The following CENPF variants were observed in gnomAD, a reference collection of about 807,000 sequenced individuals.
CENPF encodes the protein centromere protein F.
A neutral mutation model predicts 307.3 loss-of-function variants in CENPF; 214 were observed. That is an observed-to-expected ratio of 0.70 (90% CI 0.62 to 0.78). CENPF has a LOEUF of 0.78. Among genes scored for constraint, CENPF ranks in the 30% least tolerant of loss-of-function variants. CENPF has a pLI of 0.00. For synonymous variants in CENPF, 1,259 were observed against 1,270.6 expected (o/e 0.99, Z 0.19); for missense variants, 3,401 against 3,483.9 (o/e 0.98, Z 0.60).
chr1:214,629,081 G>T lies in CENPF; in HGVS notation c.1104G>T (p.Thr368=). 1.9e-6 allele frequency: 3 copies of T among 1,609,812 alleles called. No homozygotes were observed. The highest frequency in any genetic ancestry group is 2.5e-6 in the Non-Finnish European group (3 of 1,178,162). ...TGGAACAAAAACTGAAAAAATTGAC[G>T]GAAGATTTGAGTTGTCAGCGACAAA... ...TALEQKLKKL[T]EDLSCQRQNA... Residue 368 remains threonine, a synonymous_variant, in exon 8 of 20, where the codon ACG becomes ACT. Coordinates refer to ENST00000366955, the MANE Select transcript of CENPF (RefSeq NM_016343.4).
chr1:214,641,734 C>G lies in CENPF; in HGVS notation c.3396C>G (p.Ile1132Met), dbSNP rs1558183181. ...AGGCTGGTGGTTTAAAGCAAGAAAT[C>G]ATGACTTTAAAGGAAGAACAAAACA... ...KSEAGGLKQEIMTLKEEQNKM... is the reference protein window; with the variant it reads ...KSEAGGLKQEMMTLKEEQNKM... Residue 1132 changes from isoleucine to methionine, a missense_variant, in exon 12 of 20, where the codon ATC becomes ATG. Transcript: ENST00000366955. The G allele has an allele frequency of 6.3e-7, 1 of 1,578,476 alleles. No homozygotes were observed. The highest frequency in any genetic ancestry group is 8.6e-7 in the Non-Finnish European group (1 of 1,167,228).
rs1482049995 is a variant in CENPF at position 214,640,398 on chromosome 1, A to G, written c.2060A>G (p.Asp687Gly). ...VEIRNLHNVL[D>G]SKSVEVETQK... ...ATCAGAAACCTTCACAACGTGTTAG[A>G]CAGTAAGTCAGTGGAGGTAGAGACC... Residue 687 changes from aspartate to glycine, a missense_variant, in exon 12 of 20, where the codon GAC becomes GGC. Transcript: ENST00000366955. 2 of 1,614,082 alleles carry G rather than the reference A, an allele frequency of 1.2e-6. No individual in the cohort carries two copies. The highest frequency in any genetic ancestry group is 1.7e-6 in the Non-Finnish European group (2 of 1,180,004).
chr1:214,639,272 G>T (rs1428895582), intron 11 of CENPF, among the ~76,000 whole-genome samples: 1 of 152,136 alleles, frequency 6.6e-6, no homozygotes. Context: ...AGGGGGTAAC[G>T]GAGTTTGAAG....
Position 214,640,321 on chromosome 1 carries a change from C to A in CENPF, c.1983C>A (p.Tyr661Ter). Residue 661 changes from tyrosine to a stop codon, truncating the protein, a stop_gained, in exon 12 of 20, where the codon TAC (tyrosine) becomes TAA (stop). Coordinates refer to ENST00000366955, the MANE Select transcript of CENPF (RefSeq NM_016343.4). LOFTEE classifies it high-confidence loss of function. ...LKTQQIKSHEYNERVRTLEMD... is the reference protein window; with the variant it reads ...LKTQQIKSHE ...CACAGCAAATAAAAAGTCATGAATA[C>A]AACGAGAGAGTAAGAACGCTGGAGA... 3 of 1,613,838 alleles carry A rather than the reference C, an allele frequency of 1.9e-6. No homozygotes were observed. In the East Asian group the frequency reaches 6.7e-5, roughly 36 times the overall value.
At chr1:214,661,028 T>C (rs958815168) in intron 19 of CENPF, among the ~76,000 whole-genome samples, 4 of 152,168 alleles carry the variant, frequency 2.6e-5, no homozygotes, top group Non-Finnish European at 5.9e-5. Flanking sequence ...GAAGAACTGA[T>C]GGTAAAAGCA....
rs751101515 is a variant in CENPF at position 214,651,737 on chromosome 1, A to C, written c.8011A>C (p.Asn2671His). 1 of 1,600,590 alleles carries C rather than the reference A, an allele frequency of 6.2e-7. No homozygotes were observed. Among genetic ancestry groups the C allele is most frequent in the South Asian group, 1.1e-5 (1 of 87,838 alleles). Residue 2671 changes from asparagine (N) to histidine (H), a missense_variant, in exon 15 of 20, where the codon AAT becomes CAT. Physicochemically the swap from Asn to His is moderately conservative, Grantham distance 68. Transcript: ENST00000366955. Reference protein sequence around the residue: ...KDQLKELTLENSELKKSLDCM... With the variant: ...KDQLKELTLEHSELKKSLDCM... ...TCAATTGAAGGAGCTCACACTAGAA[A>C]ATAGTGAATTGAAGAAGAGCCTAGA...
At chr1:214,609,933 A>G (rs1268245809) in intron 1 of CENPF, among the ~76,000 whole-genome samples, 1 of 151,682 alleles carries the variant, frequency 6.6e-6, no homozygotes, top group Non-Finnish European at 1.5e-5. Flanking sequence ...TTGTTTATCC[A>G]ATCTGTCACT....
chr1:214,614,841 G>GA lies in CENPF; in HGVS notation c.178dup (p.Thr60AsnfsTer18), dbSNP rs779280882. On this transcript the variant is annotated frameshift_variant, in exon 3 of 20. Transcript: ENST00000366955. LOFTEE classifies it high-confidence loss of function. ...GAACAATTCTCATTAGGTTGAAAAT[G>GA]AAAAAACCGAGGGTACAAACCTGAA... 1 of 1,573,776 alleles carries GA rather than the reference G, an allele frequency of 6.4e-7. No homozygotes were observed.
At chr1:214,610,570 A>G (rs1657171388) in intron 1 of CENPF, among the ~76,000 whole-genome samples, 1 of 151,236 alleles carries the variant, frequency 6.6e-6, no homozygotes, top group Admixed American at 6.6e-5. Flanking sequence ...AGTTCCTTAT[A>G]GATGCTGGAT....
At chr1:214,622,509 C>A (rs1157051364) in intron 7 of CENPF, among the ~76,000 whole-genome samples, 1 of 152,162 alleles carries the variant, frequency 6.6e-6, no homozygotes, top group South Asian at 2.1e-4. Flanking sequence ...AGTCACTGAT[C>A]TCTTTTATGT....
chr1:214,658,846 T>C lies in CENPF; in HGVS notation c.8963-4T>C. On this transcript the variant is annotated splice_polypyrimidine_tract_variant and splice_region_variant and intron_variant, in intron 18 of 19. Transcript: ENST00000366955. ...GTGCTGACAGTTATTTTTTTTGCCC[T>C]TAGGGTTTGCTGACATCCCGACAGG... 6.2e-7 allele frequency: 1 copy of C among 1,613,858 alleles called. No homozygotes were observed. The highest frequency in any genetic ancestry group is 8.5e-7 in the Non-Finnish European group (1 of 1,179,848).
At chr1:214,635,488 C>T (rs1372749466) in intron 10 of CENPF, among the ~76,000 whole-genome samples, 3 of 152,094 alleles carry the variant, frequency 2.0e-5, no homozygotes, top group Non-Finnish European at 4.4e-5. Context: ...CAGGAGATGC[C>T]TAGGAAAATG....
intron 16 of CENPF, chr1:214,653,751 C>A (rs1282245403): frequency 1.3e-5 from 2 of 151,894 alleles, no homozygotes; most frequent in Non-Finnish European, 2.9e-5. Flanking sequence ...GGCTCTTATA[C>A]AACTATCAAG....
At chr1:214,609,085 G>A (rs1018431287) in intron 1 of CENPF, among the ~76,000 whole-genome samples, 3 of 151,628 alleles carry the variant, frequency 2.0e-5, no homozygotes, top group Non-Finnish European at 4.4e-5. Context: ...AGCCCACCCC[G>A]GCCCGCGCCC....
intron 19 of CENPF, among the ~76,000 whole-genome samples, chr1:214,660,174 G>T (rs746613271): frequency 9.2e-5 from 14 of 152,236 alleles, no homozygotes; most frequent in Admixed American, 2.6e-4. Context: ...ATGTATAAGA[G>T]CTATAAGCAT....
At position 214,641,498 on chromosome 1, in the gene CENPF, G is replaced by A. The variant is rs373954389; in HGVS notation, c.3160G>A (p.Glu1054Lys). ...AGCACAGGAAAAGAATTCTAAATTA[G>A]AATGCTTGCTAAATGAATGCACTAG... ...KAAQEKNSKL[E>K]CLLNECTSLC... Residue 1054 changes from glutamate to lysine, a missense_variant, in exon 12 of 20, where the codon GAA becomes AAA. Glu to Lys is a moderately conservative substitution (Grantham distance 56). Transcript: ENST00000366955. The A allele has an allele frequency of 4.6e-6, 7 of 1,520,674 alleles. No homozygotes were observed. In the South Asian group the frequency reaches 8.2e-5, roughly 18 times the overall value. 94.2% of individuals were successfully genotyped at this position (1,520,674 alleles called of 1,614,324 possible).
chr1:214,645,852 G>A lies in CENPF; in HGVS notation c.6282G>A (p.Glu2094=). Residue 2094 remains glutamate (E), a synonymous_variant, in exon 13 of 20, where the codon GAG becomes GAA. Transcript: ENST00000366955. ...YEKLNVSKAL[E]AALVEKGEFA... is the part of the protein sequence containing the mutation. The stretch of plus-strand genomic sequence containing the variant: ...AGCTGAATGTCTCCAAGGCCTTGGA[G>A]GCCGCACTGGTGGAGAAAGGTGAGT... 1 of 1,614,178 alleles carries A rather than the reference G, an allele frequency of 6.2e-7. No individual in the cohort carries two copies. The highest frequency in any genetic ancestry group is 1.1e-5 in the South Asian group (1 of 91,084).
intron 3 of CENPF, among the ~76,000 whole-genome samples, chr1:214,615,562 C>T (rs925092201): frequency 6.6e-6 from 1 of 152,020 alleles, no homozygotes; most frequent in South Asian, 2.1e-4. Context: ...TATAAAAGGA[C>T]GGAATAGCAT....
At position 214,646,891 on chromosome 1, in the gene CENPF, G is replaced by T; in HGVS notation, c.7321G>T (p.Glu2441Ter). ...GAAAGAAAAATCAAGCACTGCCATG[G>T]AGATGCTTCAAACACAATTAAAAGA... ...QMKEKSSTAM[E>*]MLQTQLKELN... The change falls in exon 13 of 20, where the codon GAG becomes TAG. Residue 2441 changes from glutamate (E) to a stop codon, truncating the protein, a stop_gained. Transcript: ENST00000366955. LOFTEE classifies it high-confidence loss of function. The T allele has an allele frequency of 6.2e-7, 1 of 1,614,052 alleles. No individual in the cohort carries two copies. The highest frequency in any genetic ancestry group is 1.1e-5 in the South Asian group (1 of 91,072).
Sources: gnomAD v4.1 joint callset for allele counts (sites outside exome capture counted in the v4.1 genomes callset) on GRCh38, gnomAD v4.1.1 for gene constraint, MANE v1.5 for transcripts, NCBI Gene and HGNC (gene_info 2026-07-23, HGNC 2026-07-21) for gene names.